Variants in EXOSC7 observed in about 807,000 individuals in gnomAD.
EXOSC7 encodes exosome complex component RRP42.
EXOSC7 carries 25 observed loss-of-function variants against 34.3 expected under a neutral mutation model. That is an observed-to-expected ratio of 0.73 (90% CI 0.53 to 1.02). The LOEUF (loss-of-function observed/expected upper bound fraction) is 1.02, where lower values mean the gene tolerates loss of function less well. EXOSC7 is among the 50% of genes least tolerant of loss of function. The probability of loss-of-function intolerance (pLI) is 0.00; values close to 1 mark genes in which losing one functional copy is unlikely to be tolerated. For missense variants in EXOSC7, 370 were observed against 368.5 expected (o/e 1.00, Z -0.03); for synonymous variants, 130 against 143.0 (o/e 0.91, Z 0.65).
At chr3:44,976,634 C>T (rs1575992518) in intron 1 of EXOSC7, among the ~76,000 whole-genome samples, 1 of 152,186 alleles carries the variant, frequency 6.6e-6, no homozygotes, top group South Asian at 2.1e-4. Context: ...GCCATCCATT[C>T]GGCGTTCGCG....
intron 1 of EXOSC7, among the ~76,000 whole-genome samples, chr3:44,977,819 G>A (rs1706143907): frequency 6.6e-6 from 1 of 152,172 alleles, no homozygotes; most frequent in African/African-American, 2.4e-5. Flanking sequence ...ACTCTGTCAT[G>A]TGTCCTATTT....
chr3:44,986,576 A>G (rs1426089482), intron 1 of EXOSC7, among the ~76,000 whole-genome samples: 2 of 152,236 alleles, frequency 1.3e-5, no homozygotes, highest in Non-Finnish European at 2.9e-5. Context: ...GGGCTCCTCA[A>G]GTGCTGCCAA....
At chr3:45,001,706 A>G (rs1252775539) in intron 5 of EXOSC7, 98 bp downstream of exon 5, 1 of 857,306 alleles carries the variant, frequency 1.2e-6, no homozygotes, top group African/African-American at 1.7e-5. Context: ...CTCATATGTG[A>G]AGATAACAGG....
chr3:45,005,062 G>A (rs1706994312), intron 5 of EXOSC7: 1 of 486,950 alleles, frequency 2.1e-6, no homozygotes, highest in Admixed American at 3.4e-5. Context: ...TTTTTCCATT[G>A]GGATATCTGA....
chr3:44,985,385 G>A (rs138155476), intron 1 of EXOSC7, among the ~76,000 whole-genome samples: 94 of 152,288 alleles, frequency 6.2e-4, no homozygotes, highest in African/African-American at 1.9e-3. Flanking sequence ...AGACCCTCGC[G>A]GTGAGTGTTA....
chr3:44,982,407 A>G (rs2125961763), intron 1 of EXOSC7, among the ~76,000 whole-genome samples: 1 of 152,262 alleles, frequency 6.6e-6, no homozygotes, highest in South Asian at 2.1e-4. Context: ...CAGCCTACTG[A>G]GTGCTATGGC....
At chr3:44,995,040 AGT>A (rs1559746736) in intron 3 of EXOSC7, among the ~76,000 whole-genome samples, 1 of 152,050 alleles carries the variant, frequency 6.6e-6, no homozygotes, top group South Asian at 2.1e-4. Flanking sequence ...GCTGGAGTGC[AGT>A]GGTGCGATCT....
chr3:44,981,927 A>G (rs367949123), intron 1 of EXOSC7, among the ~76,000 whole-genome samples: 20 of 152,316 alleles, frequency 1.3e-4, no homozygotes, highest in East Asian at 1.2e-3. Context: ...ATCTGTGGCA[A>G]GAGCTGGAAA....
At chr3:44,986,077 C>T (rs950425357) in intron 1 of EXOSC7, among the ~76,000 whole-genome samples, 2 of 152,294 alleles carry the variant, frequency 1.3e-5, no homozygotes, top group East Asian at 3.9e-4. Context: ...GCACTGGGGC[C>T]GCAGGTGGAG....
At chr3:44,994,741 TC>T (rs1326334856) in intron 3 of EXOSC7, among the ~76,000 whole-genome samples, 14 of 152,110 alleles carry the variant, frequency 9.2e-5, no homozygotes, top group Admixed American at 3.3e-4. Flanking sequence ...TTTCCTAGCC[TC>T]CTCCCCAGAG....
intron 7 of EXOSC7, among the ~76,000 whole-genome samples, chr3:45,009,326 G>C (rs549830407): frequency 1.3e-5 from 2 of 152,300 alleles, no homozygotes; most frequent in South Asian, 2.1e-4. Context: ...GGAGCTGAGA[G>C]CCTTGGGGGT....
chr3:45,008,900 A>G lies in EXOSC7; in HGVS notation c.771+1325A>G, dbSNP rs62243543. 7.5e-3 allele frequency among the ~76,000 whole-genome samples: 1,142 copies of G among 152,336 alleles called. 8 individuals carry two copies. The highest frequency in any genetic ancestry group is 0.014 in the Middle Eastern group (4 of 294). ...AGCTGGAGTTTATTGTGTGCGTACT[A>G]TGTGCCAGATACTGTTTTCACTGCT... is the stretch of plus-strand genomic sequence containing the variant. On this transcript the variant is annotated intron_variant, in intron 7 of 7. Transcript: ENST00000265564.
intron 4 of EXOSC7, 43 bp from the exon 5 acceptor site, chr3:45,001,495 G>A: frequency 2.1e-6 from 3 of 1,444,748 alleles, no homozygotes; most frequent in Non-Finnish European, 2.9e-6. Flanking sequence ...AGTAATAAGT[G>A]ATGCTTGGTT....
At position 44,997,147 on chromosome 3, in the gene EXOSC7, C is replaced by T. The variant is rs375126939; in HGVS notation, c.315C>T (p.Ile105=). The T allele has an allele frequency of 9.1e-5, 147 of 1,613,618 alleles. No individual in the cohort carries two copies. Among genetic ancestry groups the T allele is most frequent in the Admixed American group, 2.7e-4 (16 of 59,974 alleles). Residue 105 remains isoleucine (I), a synonymous_variant, in exon 4 of 8, where the codon ATC becomes ATT. Coordinates refer to ENST00000265564, the MANE Select transcript of EXOSC7 (RefSeq NM_015004.4). ...GAGGTGATGACCTTGGCACCGAGAT[C>T]GCTAACACCCTCTATCGGATATTTA... ...GRGGDDLGTE[I]ANTLYRIFNN...
chr3:45,011,198 A>C, intron 7 of EXOSC7, 37 bp from the exon 8 acceptor site: 1 of 1,302,248 alleles, frequency 7.7e-7, no homozygotes. Context: ...TGTGCCTTAC[A>C]AGGGGGTGTG....
intron 7 of EXOSC7, among the ~76,000 whole-genome samples, chr3:45,009,505 C>T (rs932451973): frequency 6.9e-6 from 1 of 145,238 alleles, no homozygotes; most frequent in African/African-American, 2.4e-5. Flanking sequence ...TTGACAGATT[C>T]AGACTTTTTT....
chr3:44,985,998 G>A (rs1473520811), intron 1 of EXOSC7, among the ~76,000 whole-genome samples: 1 of 152,086 alleles, frequency 6.6e-6, no homozygotes, highest in East Asian at 1.9e-4. Flanking sequence ...CAATCTCTTA[G>A]CTAGACATAG....
intron 6 of EXOSC7, 106 bp from the exon 7 acceptor site, chr3:45,007,314 G>A (rs1381332698): frequency 8.4e-7 from 1 of 1,192,736 alleles, no homozygotes; most frequent in Non-Finnish European, 1.2e-6. Flanking sequence ...GGAATGACCA[G>A]TGCAAATACT....
chr3:44,997,225 C>G lies in EXOSC7; in HGVS notation c.393C>G (p.His131Gln). The change falls in exon 4 of 8, where the codon CAC (histidine) becomes CAG (glutamine). Residue 131 changes from histidine (H) to glutamine (Q), a missense_variant. By Grantham distance (24) the His-to-Gln change is conservative. Coordinates refer to ENST00000265564, the MANE Select transcript of EXOSC7 (RefSeq NM_015004.4). ...CCCTCTGCATTAGTCCTCGGGAGCA[C>G]TGCTGGGTTCTCTATGTGGATGTGC... Reference protein sequence around the residue: ...LKTLCISPREHCWVLYVDVLL... With the variant: ...LKTLCISPREQCWVLYVDVLL... 1 of 1,613,936 alleles carries G rather than the reference C, an allele frequency of 6.2e-7. No individual in the cohort carries two copies. Among genetic ancestry groups the G allele is most frequent in the Non-Finnish European group, 8.5e-7 (1 of 1,179,950 alleles).
Sources: gnomAD v4.1 joint callset for allele counts (sites outside exome capture counted in the v4.1 genomes callset) on GRCh38, gnomAD v4.1.1 for gene constraint, MANE v1.5 for transcripts, NCBI Gene and HGNC (gene_info 2026-07-23, HGNC 2026-07-21) for gene names.